RNF169: variants seen among roughly 807,000 people sequenced by gnomAD.
The protein encoded by RNF169 is ring finger protein 169.
A neutral mutation model predicts 53.9 loss-of-function variants in RNF169; 24 were observed. That is an observed-to-expected ratio of 0.45 (90% CI 0.32 to 0.63). RNF169 has a LOEUF of 0.63. Ranked by LOEUF, RNF169 falls within the 20% of genes least tolerant of loss-of-function variation. The pLI, the probability that RNF169 is intolerant of heterozygous loss-of-function variation, is 0.04. For synonymous variants in RNF169, 396 were observed against 363.5 expected (o/e 1.09, Z -1.02); for missense variants, 883 against 906.2 (o/e 0.97, Z 0.33).
rs1158352264 is a variant in RNF169 at position 74,841,879 on chromosome 11, G to C, written c.*5149G>C. The C allele has an allele frequency of 6.6e-6, 1 of 152,246 alleles. No individual in the cohort carries two copies. The highest frequency in any genetic ancestry group is 1.5e-5 in the Non-Finnish European group (1 of 68,042). The allele number at this position is 152,246 out of a possible 1,614,324, so 9.4% of individuals were successfully genotyped here. A position where few individuals can be genotyped will look rare whatever the true frequency, so the allele number is the denominator to read the frequency against. ...CCCTCCAAAGCTGTGCCACCAATGA[G>C]AGCATTGGGTTCAAGTTTGCATCAA... On this transcript the variant is annotated 3_prime_UTR_variant, in exon 6 of 6. Coordinates refer to ENST00000299563, the MANE Select transcript of RNF169 (RefSeq NM_001098638.2).
chr11:74,802,383 C>A (rs536823), intron 2 of RNF169, among the ~76,000 whole-genome samples: 4 of 152,092 alleles, frequency 2.6e-5, no homozygotes, highest in Non-Finnish European at 5.9e-5. Context: ...TGGTGTCTCA[C>A]GCTTGTAATT....
At chr11:74,828,012 G>T (rs1389579356) in intron 4 of RNF169, among the ~76,000 whole-genome samples, 1 of 152,156 alleles carries the variant, frequency 6.6e-6, no homozygotes, top group East Asian at 1.9e-4. Flanking sequence ...GAAATAAAGG[G>T]TATTCAAATA....
Position 74,836,595 on chromosome 11 carries a change from G to T in RNF169, c.1992G>T (p.Gln664His), listed in dbSNP as rs1426650614. The change falls in exon 6 of 6, where the codon CAG becomes CAT. Residue 664 changes from glutamine (Q) to histidine (H), a missense_variant. This residue lies in a region of RNF169 where 351 missense variants were observed against 337.3 expected (regional missense o/e 1.04). Transcript: ENST00000299563. ...PVLREMEQKL[Q>H]QEEEDRQLAL... ...TGCGAGAGATGGAGCAGAAGCTTCA[G>T]CAAGAGGAAGAAGACCGACAGTTGG... The T allele has an allele frequency of 1.9e-6, 3 of 1,614,024 alleles. No individual in the cohort carries two copies. In the South Asian group the frequency reaches 3.3e-5, roughly 18 times the overall value.
At position 74,836,364 on chromosome 11, in the gene RNF169, C is replaced by G. The variant is rs1336667076; in HGVS notation, c.1761C>G (p.Leu587=). 6.2e-7 allele frequency: 1 copy of G among 1,614,140 alleles called. No individual in the cohort carries two copies. The highest frequency in any genetic ancestry group is 1.7e-5 in the Admixed American group (1 of 60,024). The change falls in exon 6 of 6, where the codon CTC becomes CTG. Residue 587 remains leucine (L), a synonymous_variant. Coordinates refer to ENST00000299563, the MANE Select transcript of RNF169 (RefSeq NM_001098638.2). ...LPQNSVLGGV[L]KTKQQLKTLN... Reference sequence around the variant, plus strand: ...AAAACAGTGTTTTGGGTGGAGTCCTCAAAACAAAGCAACAATTGAAGACAT... The same window carrying G: ...AAAACAGTGTTTTGGGTGGAGTCCTGAAAACAAAGCAACAATTGAAGACAT...
chr11:74,810,443 G>A (rs909901015), intron 3 of RNF169, 113 bp downstream of exon 3: 25 of 956,436 alleles, frequency 2.6e-5, no homozygotes, highest in Non-Finnish European at 2.1e-5. Context: ...AACAGTCAGT[G>A]ACTGTGCAGC....
chr11:74,754,807 G>A (rs2034956786), intron 1 of RNF169, among the ~76,000 whole-genome samples: 1 of 152,286 alleles, frequency 6.6e-6, no homozygotes, highest in South Asian at 2.1e-4. Flanking sequence ...GCGACAGAGC[G>A]AGACTCTCTC....
At chr11:74,812,039 G>T (rs1025319499) in intron 3 of RNF169, among the ~76,000 whole-genome samples, 1 of 151,944 alleles carries the variant, frequency 6.6e-6, no homozygotes, top group Non-Finnish European at 1.5e-5. Flanking sequence ...GAAATAACCT[G>T]TTGTTCCTAG....
chr11:74,834,653 G>A (rs752857807), intron 4 of RNF169, 23 bp from the exon 5 acceptor site: 27 of 1,583,630 alleles, frequency 1.7e-5, no homozygotes, highest in East Asian at 4.5e-5. Context: ...TTGACTACTC[G>A]TTTTTTATTT....
chr11:74,812,132 C>T (rs1397231415), intron 3 of RNF169, among the ~76,000 whole-genome samples: 1 of 152,126 alleles, frequency 6.6e-6, no homozygotes, highest in Non-Finnish European at 1.5e-5. Flanking sequence ...GTGCAGCCAC[C>T]TAATTTTAAT....
At chr11:74,833,690 T>C (rs2036211333) in intron 4 of RNF169, among the ~76,000 whole-genome samples, 1 of 152,186 alleles carries the variant, frequency 6.6e-6, no homozygotes, top group Non-Finnish European at 1.5e-5. Flanking sequence ...GGCATACATA[T>C]AGTAAGTATA....
intron 4 of RNF169, among the ~76,000 whole-genome samples, 183 bp from the exon 5 acceptor site, chr11:74,834,493 C>A (rs2036222833): frequency 6.6e-6 from 1 of 152,218 alleles, no homozygotes; most frequent in Non-Finnish European, 1.5e-5. Flanking sequence ...GGAGCACTGT[C>A]TTTTGGCAGA....
intron 2 of RNF169, among the ~76,000 whole-genome samples, chr11:74,802,716 A>G (rs1013630134): frequency 5.0e-4 from 76 of 152,198 alleles, no homozygotes; most frequent in Non-Finnish European, 7.9e-4. Flanking sequence ...GGTCAAGACT[A>G]TAGTCTCAGC....
intron 1 of RNF169, among the ~76,000 whole-genome samples, chr11:74,761,779 G>A (rs1473907373): frequency 1.3e-5 from 2 of 148,846 alleles, no homozygotes; most frequent in African/African-American, 5.0e-5. Context: ...ACAATTATGT[G>A]TCTTGGAGTT....
intron 1 of RNF169, among the ~76,000 whole-genome samples, chr11:74,765,333 T>A (rs530879428): frequency 5.4e-4 from 82 of 152,276 alleles, no homozygotes; most frequent in African/African-American, 2.0e-3. Context: ...ATTTACGTAA[T>A]TTTCCTAGAT....
At chr11:74,816,910 G>A (rs2035948117) in intron 3 of RNF169, among the ~76,000 whole-genome samples, 1 of 152,150 alleles carries the variant, frequency 6.6e-6, no homozygotes, top group African/African-American at 2.4e-5. Context: ...GTGATTGCTG[G>A]AAAGATAATT....
chr11:74,755,734 C>T (rs2034972091), intron 1 of RNF169, among the ~76,000 whole-genome samples: 1 of 152,118 alleles, frequency 6.6e-6, no homozygotes, highest in Admixed American at 6.6e-5. Context: ...GAGGGGATGT[C>T]CATTCCAGGT....
intron 3 of RNF169, among the ~76,000 whole-genome samples, chr11:74,814,197 C>CTGT (rs1161069987): frequency 2.6e-5 from 4 of 151,956 alleles, no homozygotes; most frequent in Admixed American, 6.5e-5. Flanking sequence ...TGGCACGTGT[C>CTGT]TGTAGTCCCA....
chr11:74,837,825 G>A lies in RNF169; in HGVS notation c.*1095G>A, dbSNP rs1207750451. ...GTAAATTCAGTCCCATGGACCTTTGGGGGTTTATTTTCCTTAGCAGCTGAC... is the reference window on the plus strand; with the variant it reads ...GTAAATTCAGTCCCATGGACCTTTGAGGGTTTATTTTCCTTAGCAGCTGAC... On this transcript the variant is annotated 3_prime_UTR_variant, in exon 6 of 6. Transcript: ENST00000299563. The A allele has an allele frequency of 6.6e-6, 1 of 152,178 alleles. No individual in the cohort carries two copies. Among genetic ancestry groups the A allele is most frequent in the South Asian group, 2.1e-4 (1 of 4,832 alleles). 9.4% of individuals were successfully genotyped at this position (152,178 alleles called of 1,614,324 possible). A position where few individuals can be genotyped will look rare whatever the true frequency, so the allele number is the denominator to read the frequency against.
At chr11:74,766,587 C>T (rs2035177968) in intron 1 of RNF169, among the ~76,000 whole-genome samples, 1 of 152,120 alleles carries the variant, frequency 6.6e-6, no homozygotes, top group Non-Finnish European at 1.5e-5. Flanking sequence ...TGATATGATG[C>T]CTGGGATTTG....
Sources: gnomAD v4.1 joint callset for allele counts (sites outside exome capture counted in the v4.1 genomes callset) on GRCh38, gnomAD v4.1.1 for gene constraint, gnomAD v4.1.1 regional missense constraint, MANE v1.5 for transcripts, NCBI Gene and HGNC (gene_info 2026-07-23, HGNC 2026-07-21) for gene names.